Variants in CDHR5 observed in about 807,000 individuals in gnomAD.
The protein encoded by CDHR5 is cadherin-related family member 5.
Under a neutral mutation model 69.5 loss-of-function variants are expected in CDHR5, and 82 were observed. The ratio of observed to expected loss-of-function variants is 1.18; its 90% CI spans 0.99 to 1.42. CDHR5 has a LOEUF of 1.42. CDHR5 is among the 40% of genes most tolerant of loss of function. The probability of loss-of-function intolerance (pLI) is 0.00; values close to 1 mark genes in which losing one functional copy is unlikely to be tolerated. For synonymous variants in CDHR5, 601 were observed against 510.2 expected (o/e 1.18, Z -2.40); for missense variants, 1,293 against 1,168.9 (o/e 1.11, Z -1.55).
rs560553793 is a variant in CDHR5 at position 617,919 on chromosome 11, T to C, written c.2118+35A>G. The C allele has an allele frequency of 2.6e-5, 41 of 1,600,538 alleles. No individual in the cohort carries two copies. The African/African-American group carries it at 5.1e-4, about 20-fold the overall frequency. On this transcript the variant is annotated intron_variant, in intron 14 of 14. Transcript: ENST00000397542. Reference sequence around the variant, plus strand: ...TGTCCCCCGTCCCCCACTTCCTGCCTGGTCGCCTGCCCTGTTCTCCATCCT... The same window carrying C: ...TGTCCCCCGTCCCCCACTTCCTGCCCGGTCGCCTGCCCTGTTCTCCATCCT...
chr11:623,126 T>A (rs1857516480), intron 3 of CDHR5, among the ~76,000 whole-genome samples: 1 of 151,916 alleles, frequency 6.6e-6, no homozygotes, highest in African/African-American at 2.4e-5. Flanking sequence ...CTGACCAACA[T>A]GGAGAAACCC....
At position 618,003 on chromosome 11, in the gene CDHR5, A is replaced by G; in HGVS notation, c.2069T>C (p.Val690Ala). 6.2e-7 allele frequency: 1 copy of G among 1,612,176 alleles called. No individual in the cohort carries two copies. Among genetic ancestry groups the G allele is most frequent in the Non-Finnish European group, 8.5e-7 (1 of 1,179,772 alleles). Residue 690 changes from valine (V) to alanine (A), a missense_variant, in exon 14 of 15, where the codon GTC becomes GCC. Val to Ala is a moderately conservative substitution (Grantham distance 64, BLOSUM62 0). Coordinates refer to ENST00000397542, the MANE Select transcript of CDHR5 (RefSeq NM_021924.5). ...GAGCCGGGGGCCATAGTGCTTGTGGACAAGGACGGCGAGGCCAAGGAGAGC... is the reference window on the plus strand; with the variant it reads ...GAGCCGGGGGCCATAGTGCTTGTGGGCAAGGACGGCGAGGCCAAGGAGAGC... ...LLALLGLAVL[V>A]HKHYGPRLKC...
intron 10 of CDHR5, 26 bp from the exon 11 acceptor site, chr11:619,613 G>C (rs141228281): frequency 1.9e-6 from 3 of 1,608,978 alleles, no homozygotes; most frequent in Non-Finnish European, 2.6e-6. Context: ...TTGAGTCCCC[G>C]GCCAGGCTGC....
Position 619,938 on chromosome 11 carries a change from A to C in CDHR5, c.979-57T>G. ...GGGTTGAAGGTGGAGCTGGCGCTGA[A>C]GGCTGGGGCTCAGGAAAGGCAGGTG... On this transcript the variant is annotated intron_variant, in intron 9 of 14. Coordinates refer to ENST00000397542, the MANE Select transcript of CDHR5 (RefSeq NM_021924.5). 4.1e-6 allele frequency: 6 copies of C among 1,458,328 alleles called. 1 individual carries two copies. In the South Asian group the frequency reaches 6.4e-5, roughly 16 times the overall value. The allele number at this position is 1,458,328 out of a possible 1,614,324, so 90.3% of individuals were successfully genotyped here. A position where few individuals can be genotyped will look rare whatever the true frequency, so the allele number is the denominator to read the frequency against.
chr11:617,847 T>TG, intron 14 of CDHR5, 77 bp from the exon 15 acceptor site: 2 of 1,487,318 alleles, frequency 1.3e-6, no homozygotes, highest in Non-Finnish European at 1.8e-6. Flanking sequence ...CATTCCACGC[T>TG]GGACACCCCT....
At position 621,326 on chromosome 11, in the gene CDHR5, G is replaced by A. The variant is rs754344174; in HGVS notation, c.618+19C>T. On this transcript the variant is annotated intron_variant, in intron 6 of 14. Transcript: ENST00000397542. This position sits in a 1 kb window ranked among gnomAD's most constrained non-coding sequence, Gnocchi z 4.4. ...GGGCCTCAAGTGTGTGGGACTCGGGGCTGGGGTGACCTGCTCACCCGCACC... is the reference window on the plus strand; with the variant it reads ...GGGCCTCAAGTGTGTGGGACTCGGGACTGGGGTGACCTGCTCACCCGCACC... The A allele has an allele frequency of 6.2e-7, 1 of 1,612,556 alleles. No homozygotes were observed.
intron 13 of CDHR5, 44 bp downstream of exon 13, chr11:618,555 C>T (rs746213171): frequency 1.2e-6 from 2 of 1,605,878 alleles, no homozygotes; most frequent in South Asian, 1.1e-5. Flanking sequence ...CCATACCAGC[C>T]AATGACCGGA....
At position 617,905 on chromosome 11, in the gene CDHR5, C is replaced by G. The variant is rs759514494; in HGVS notation, c.2118+49G>C. On this transcript the variant is annotated intron_variant, in intron 14 of 14. Transcript: ENST00000397542. The stretch of plus-strand genomic sequence containing the variant: ...GCCCTCCCCTCTCCTGTCCCCCGTC[C>G]CCCACTTCCTGCCTGGTCGCCTGCC... The G allele has an allele frequency of 7.6e-6, 12 of 1,587,280 alleles. No individual in the cohort carries two copies. The East Asian group carries it at 2.3e-4, about 30-fold the overall frequency.
chr11:619,534 C>T lies in CDHR5; in HGVS notation c.1233G>A (p.Met411Ile), dbSNP rs1794937101. The T allele has an allele frequency of 1.2e-6, 2 of 1,613,902 alleles. No homozygotes were observed. The highest frequency in any genetic ancestry group is 1.7e-6 in the Non-Finnish European group (2 of 1,179,966). The stretch of plus-strand genomic sequence containing the variant: ...TGGTGGTCAGCACAACCTCTCCCTC[C>T]ATCCGGAAGTGTGAGTGGTTGGTAA... ...YRITNHSHFR[M>I]EGEVVLTTTT... Residue 411 changes from methionine to isoleucine, a missense_variant, in exon 11 of 15, where the codon ATG becomes ATA. Transcript: ENST00000397542.
Position 618,499 on chromosome 11 carries a change from T to C in CDHR5, c.1960+100A>G, listed in dbSNP as rs546057552. On this transcript the variant is annotated intron_variant, in intron 13 of 14. Transcript: ENST00000397542. ...AAACAGACTCCTCTTTGGGATTTCA[T>C]GGTCAGGCCAGGTCAGCCTGGGGTG... 23 of 1,389,874 alleles carry C rather than the reference T, an allele frequency of 1.7e-5. No homozygotes were observed. In the African/African-American group the frequency reaches 2.7e-4, roughly 16 times the overall value. The allele number at this position is 1,389,874 out of a possible 1,614,324, so 86.1% of individuals were successfully genotyped here.
Position 617,654 on chromosome 11 carries a change from T to TGCGGGCATCGGTGCCTCC in CDHR5, c.2217_2234dup (p.Ala741_Glu746dup). 6.5e-7 allele frequency: 1 copy of TGCGGGCATCGGTGCCTCC among 1,531,098 alleles called. No individual in the cohort carries two copies. The highest frequency in any genetic ancestry group is 8.7e-7 in the Non-Finnish European group (1 of 1,142,916). The allele number at this position is 1,531,098 out of a possible 1,614,324, so 94.8% of individuals were successfully genotyped here. A position where few individuals can be genotyped will look rare whatever the true frequency, so the allele number is the denominator to read the frequency against. On this transcript the variant is annotated inframe_insertion, in exon 15 of 15. Coordinates refer to ENST00000397542, the MANE Select transcript of CDHR5 (RefSeq NM_021924.5). Reference sequence around the variant, plus strand: ...AGGCAGGGCCGGGGGGTGCGGGCTCTGCGGGCATCGGTGCCTCCGCGGGCT... The same window carrying TGCGGGCATCGGTGCCTCC: ...AGGCAGGGCCGGGGGGTGCGGGCTCTGCGGGCATCGGTGCCTCCGCGGGCATCGGTGCCTCCGCGGGCT...
chr11:619,834 C>T lies in CDHR5; in HGVS notation c.1026G>A (p.Val342=), dbSNP rs1245948148. ...GGCTCCCGGCCGCAGCCACAGCCTC[C>T]ACGGTGACCTGGGTCACTGAGTAGC... The part of the protein sequence containing the change: ...LARYSVTQVT[V]EAVAAAGSPP... The change falls in exon 10 of 15, where the codon GTG becomes GTA. Residue 342 remains valine, a synonymous_variant. Transcript: ENST00000397542. 12 of 1,569,758 alleles carry T rather than the reference C, an allele frequency of 7.6e-6. No individual in the cohort carries two copies. Among genetic ancestry groups the T allele is most frequent in the Non-Finnish European group, 1.0e-5 (12 of 1,161,890 alleles).
At chr11:619,955 A>T in intron 9 of CDHR5, 74 bp from the exon 10 acceptor site, 3 of 1,429,786 alleles carry the variant, frequency 2.1e-6, no homozygotes. Flanking sequence ...GGCTCAGGAA[A>T]GGCAGGTGCA....
chr11:618,528 C>T (rs1227318852), intron 13 of CDHR5, 71 bp downstream of exon 13: 5 of 1,563,422 alleles, frequency 3.2e-6, no homozygotes, highest in African/African-American at 1.3e-5. Context: ...TGGGGTGGAC[C>T]CTTCCTACAG....
chr11:621,439 A>G lies in CDHR5; in HGVS notation c.524T>C (p.Phe175Ser), dbSNP rs774795346. Residue 175 changes from phenylalanine to serine, a missense_variant, in exon 6 of 15, where the codon TTC becomes TCC. Transcript: ENST00000397542. This position sits in a 1 kb window ranked among gnomAD's most constrained non-coding sequence, Gnocchi z 4.4. ...GGGACGGTTTACACTCACCAGGGAG[A>G]AGTAGTCACTGGCACCCTGGGGAGG... ...QEMTAGASDY[F>S]SLVSVNRPAL... 6.2e-7 allele frequency: 1 copy of G among 1,612,422 alleles called. No homozygotes were observed. The highest frequency in any genetic ancestry group is 8.5e-7 in the Non-Finnish European group (1 of 1,179,564).
chr11:617,624 T>TG lies in CDHR5; in HGVS notation c.2264dup (p.Gly756ArgfsTer5), dbSNP rs1158506094. 3.1e-5 allele frequency: 50 copies of TG among 1,591,590 alleles called. No homozygotes were observed. Among genetic ancestry groups the TG allele is most frequent in the Non-Finnish European group, 4.1e-5 (48 of 1,169,682 alleles). ...CTGCGGGGGGCTCAGGGGCACCGCC[T>TG]GGGGAGGCAGGGCCGGGGGGTGCGG... On this transcript the variant is annotated frameshift_variant, in exon 15 of 15. Transcript: ENST00000397542. LOFTEE classifies it low-confidence loss of function (END_TRUNC).
chr11:621,404 G>A lies in CDHR5; in HGVS notation c.559C>T (p.Leu187=). The A allele has an allele frequency of 6.2e-7, 1 of 1,612,942 alleles. No homozygotes were observed. Among genetic ancestry groups the A allele is most frequent in the Admixed American group, 1.7e-5 (1 of 60,022 alleles). ...TCGTAGAAGTCCAGGGGCCGGTCCA[G>A]CCTCAGGGCGGGACGGTTTACACTC... ...LVSVNRPALR[L]DRPLDFYERP... Residue 187 remains leucine, a synonymous_variant, in exon 6 of 15, where the codon CTG becomes TTG. Coordinates refer to ENST00000397542, the MANE Select transcript of CDHR5 (RefSeq NM_021924.5). The surrounding 1 kb of genome is among the most constrained non-coding windows in gnomAD (Gnocchi z 4.4).
At chr11:620,502 G>T in intron 7 of CDHR5, 116 bp from the exon 8 acceptor site, 2 of 676,540 alleles carry the variant, frequency 3.0e-6, no homozygotes, top group Non-Finnish European at 5.1e-6. Flanking sequence ...CAGTCCCGCT[G>T]GTGGCCGGGC....
chr11:620,962 C>T (rs921681215), intron 7 of CDHR5, 118 bp downstream of exon 7: 19 of 705,762 alleles, frequency 2.7e-5, no homozygotes, highest in East Asian at 1.4e-4. Context: ...AAATCACGAC[C>T]GAAATCGGCC....
Sources: gnomAD v4.1 joint callset for allele counts (sites outside exome capture counted in the v4.1 genomes callset) on GRCh38, gnomAD v4.1.1 for gene constraint, Gnocchi (gnomAD v3.1) non-coding constraint, MANE v1.5 for transcripts, NCBI Gene and HGNC (gene_info 2026-07-23, HGNC 2026-07-21) for gene names.